The following PRMT3 variants were observed in gnomAD, a reference collection of about 807,000 sequenced individuals.
The protein encoded by PRMT3 is protein arginine methyltransferase 3.
PRMT3 carries 62 observed loss-of-function variants against 71.9 expected under a neutral mutation model. The observed-to-expected ratio is 0.86, with a 90% confidence interval of 0.70 to 1.07. PRMT3 has a LOEUF of 1.07. PRMT3 is among the 50% of genes least tolerant of loss of function. The pLI is 0.00. For synonymous variants in PRMT3, 213 were observed against 220.4 expected, an observed-to-expected ratio of 0.97 and a Z score of 0.30; for missense variants, 663 against 643.0, an observed-to-expected ratio of 1.03 and a Z score of -0.34.
chr11:20,493,221 T>G (rs954362958), intron 13 of PRMT3, among the ~76,000 whole-genome samples: 3 of 152,182 alleles, frequency 2.0e-5, no homozygotes, highest in Non-Finnish European at 2.9e-5. Context: ...AACATAAGAT[T>G]TGAGTACTAC....
intron 10 of PRMT3, among the ~76,000 whole-genome samples, chr11:20,441,794 T>TTTG (rs1253108511): frequency 4.7e-5 from 7 of 150,492 alleles, no homozygotes; most frequent in African/African-American, 1.7e-4. Context: ...TCAGGTTTTT[T>TTTG]TTTTTTTTTT....
chr11:20,476,775 A>G (rs1176105398), intron 13 of PRMT3, among the ~76,000 whole-genome samples: 1 of 151,676 alleles, frequency 6.6e-6, no homozygotes, highest in Admixed American at 6.6e-5. Context: ...CTCTTTAACC[A>G]GTTTGATCCA....
At chr11:20,457,687 A>G (rs1337483422) in intron 11 of PRMT3, among the ~76,000 whole-genome samples, 2 of 152,214 alleles carry the variant, frequency 1.3e-5, no homozygotes, top group African/African-American at 2.4e-5. Context: ...GCATTGTGGT[A>G]TTAACACTTA....
chr11:20,423,196 A>T (rs1319636052), intron 9 of PRMT3, among the ~76,000 whole-genome samples: 1 of 152,120 alleles, frequency 6.6e-6, no homozygotes, highest in East Asian at 1.9e-4. Context: ...TTTTTCCCAG[A>T]CCATCTAGGA....
In PRMT3 at chr11:20,455,882, A is replaced by G. The variant is rs145151539; in HGVS notation, c.1072+3674A>G. On this transcript the variant is annotated intron_variant, in intron 11 of 15. Transcript: ENST00000331079. ...AAGTAAAGTTTAATCCACACAATAA[A>G]TTGTACACTGTGAATTTCAGATAAT... Among the ~76,000 whole-genome samples, 705 of 152,230 alleles carry G rather than the reference A, an allele frequency of 4.6e-3. 4 individuals carry two copies. Among genetic ancestry groups the G allele is most frequent in the Non-Finnish European group, 7.0e-3 (478 of 67,966 alleles).
At chr11:20,398,601 C>T (rs779789340) in intron 7 of PRMT3, among the ~76,000 whole-genome samples, 1 of 152,130 alleles carries the variant, frequency 6.6e-6, no homozygotes, top group Non-Finnish European at 1.5e-5. Context: ...TACAGGTGCC[C>T]GCCACGGCGC....
rs1231533608 is a variant in PRMT3, at chr11:20,508,459, A to T, written c.*46A>T. 1 of 1,352,064 alleles carries T rather than the reference A, an allele frequency of 7.4e-7. No homozygotes were observed. The highest frequency in any genetic ancestry group is 1.4e-5 in the African/African-American group (1 of 69,370). 83.8% of individuals were successfully genotyped at this position (1,352,064 alleles called of 1,614,324 possible). A position where few individuals can be genotyped will look rare whatever the true frequency, so the allele number is the denominator to read the frequency against. On this transcript the variant is annotated 3_prime_UTR_variant, in exon 16 of 16. Coordinates refer to ENST00000331079, the MANE Select transcript of PRMT3 (RefSeq NM_005788.4). ...ACCTTGTAGTTTTTAATGTGGGGGT[A>T]GAGTGGGTCAGCAGGAGGGAGCTGG...
In PRMT3 at chr11:20,389,829, G is replaced by A. The variant is rs560090490; in HGVS notation, c.247+3G>A. ...TGACAGCATGGTTCATAAACATGGT[G>A]AGTAGTTTTTAGAATAAAGGCAATT... is the stretch of plus-strand genomic sequence containing the variant. On this transcript the variant is annotated splice_donor_region_variant and intron_variant, in intron 3 of 15. Coordinates refer to ENST00000331079, the MANE Select transcript of PRMT3 (RefSeq NM_005788.4). 1.2e-5 allele frequency: 19 copies of A among 1,602,226 alleles called. No homozygotes were observed. In the African/African-American group the frequency reaches 1.5e-4, roughly 12 times the overall value.
chr11:20,395,818 A>G lies in PRMT3; in HGVS notation c.416A>G (p.Tyr139Cys), dbSNP rs538655899. Residue 139 changes from tyrosine (Y) to cysteine (C), a missense_variant, in exon 6 of 16, where the codon TAT becomes TGT. Tyr to Cys is a radical substitution (Grantham distance 194). Coordinates refer to ENST00000331079, the MANE Select transcript of PRMT3 (RefSeq NM_005788.4). ...LLLQFDVEDL[Y>C]EPVSVPFSYP... is the part of the protein sequence containing the mutation. ...ATTTCTTTAGATGTAGAAGATCTTT[A>G]TGAACCGGTGTCAGTACCCTTCTCA... is the stretch of plus-strand genomic sequence containing the variant. The G allele has an allele frequency of 6.2e-7, 1 of 1,611,640 alleles. No homozygotes were observed. Among genetic ancestry groups the G allele is most frequent in the Non-Finnish European group, 8.5e-7 (1 of 1,179,078 alleles).
At chr11:20,491,141 C>G (rs1463429392) in intron 13 of PRMT3, among the ~76,000 whole-genome samples, 1 of 152,066 alleles carries the variant, frequency 6.6e-6, no homozygotes, top group African/African-American at 2.4e-5. Context: ...CTATTCAACC[C>G]GGAAGTTTCA....
intron 10 of PRMT3, among the ~76,000 whole-genome samples, chr11:20,448,688 G>GT (rs1850084821): frequency 6.6e-6 from 1 of 152,004 alleles, no homozygotes; most frequent in Admixed American, 6.6e-5. Context: ...TATCACTAAT[G>GT]TATCTAATCC....
intron 14 of PRMT3, 77 bp from the exon 15 acceptor site, chr11:20,494,090 T>G: frequency 6.8e-7 from 1 of 1,476,290 alleles, no homozygotes; most frequent in African/African-American, 1.4e-5. Flanking sequence ...GGGCTTGTGT[T>G]TGATGTCGTA....
intron 11 of PRMT3, among the ~76,000 whole-genome samples, chr11:20,457,659 G>C (rs1410605910): frequency 6.6e-6 from 1 of 152,168 alleles, no homozygotes; most frequent in East Asian, 1.9e-4. Context: ...CTTTATAAAA[G>C]TTATGAAATG....
chr11:20,460,928 T>C (rs1156400435), intron 11 of PRMT3, among the ~76,000 whole-genome samples: 2 of 152,222 alleles, frequency 1.3e-5, no homozygotes, highest in Non-Finnish European at 2.9e-5. Context: ...ATTTTAACTA[T>C]CTCTTAATTT....
At position 20,480,135 on chromosome 11, in the gene PRMT3, G is replaced by C. The variant is rs528261422; in HGVS notation, c.1348-13784G>C. ...GAGATCCATCTGGTCATGGACATCA[G>C]AATAGTGGTTACAATTTGTGGGGTG... On this transcript the variant is annotated intron_variant, in intron 13 of 15. Transcript: ENST00000331079. 1.6e-3 allele frequency among the ~76,000 whole-genome samples: 244 copies of C among 152,278 alleles called. 1 individual carries two copies. Among genetic ancestry groups the C allele is most frequent in the Non-Finnish European group, 2.7e-3 (187 of 68,014 alleles).
intron 13 of PRMT3, among the ~76,000 whole-genome samples, chr11:20,468,751 A>G (rs1850573370): frequency 6.6e-6 from 1 of 152,222 alleles, no homozygotes; most frequent in Non-Finnish European, 1.5e-5. Flanking sequence ...ACAAAGTTAC[A>G]AGATGCTAAG....
chr11:20,427,030 C>T (rs995242642), intron 10 of PRMT3, among the ~76,000 whole-genome samples, 165 bp downstream of exon 10: 2 of 152,088 alleles, frequency 1.3e-5, no homozygotes, highest in Non-Finnish European at 2.9e-5. Context: ...AAAATAGCTA[C>T]AGTCTTCTTA....
intron 9 of PRMT3, among the ~76,000 whole-genome samples, chr11:20,417,345 T>A (rs1849328606): frequency 6.6e-6 from 1 of 152,186 alleles, no homozygotes; most frequent in African/African-American, 2.4e-5. Context: ...ATTGTATCTA[T>A]TTATATCTAT....
At chr11:20,415,003 G>A (rs12224909) in intron 9 of PRMT3, among the ~76,000 whole-genome samples, 2 of 144,262 alleles carry the variant, frequency 1.4e-5, no homozygotes, top group African/African-American at 5.3e-5. Flanking sequence ...TTTAAAGACA[G>A]TGGTGGTGGT....
Sources: allele counts gnomAD v4.1 joint callset (sites outside exome capture counted in the v4.1 genomes callset), GRCh38; gene constraint gnomAD v4.1.1; transcripts MANE v1.5; gene names NCBI Gene and HGNC (gene_info 2026-07-23, HGNC 2026-07-21).